PM20D2: variants seen among roughly 807,000 people sequenced by gnomAD.
PM20D2 encodes the protein peptidase M20 domain containing 2.
PM20D2 carries 33 observed loss-of-function variants against 42.9 expected under a neutral mutation model. That is an observed-to-expected ratio of 0.77 (90% CI 0.58 to 1.03). PM20D2 has a LOEUF of 1.03. Among genes scored for constraint, PM20D2 ranks in the 50% least tolerant of loss-of-function variants. PM20D2 has a pLI of 0.00. For synonymous variants in PM20D2, 250 were observed against 228.2 expected (o/e 1.10, Z -0.86); for missense variants, 548 against 557.0 (o/e 0.98, Z 0.16).
At chr6:89,117,944 C>G in the PM20D2 span, 2 of 1,509,226 alleles carry the variant, frequency 1.3e-6, no homozygotes, top group Non-Finnish European at 1.8e-6. Flanking sequence ...CGCTCCGTCT[C>G]CCGCTACCGC....
chr6:89,105,143 C>T, the PM20D2 span: 1 of 1,612,630 alleles, frequency 6.2e-7, no homozygotes, highest in Non-Finnish European at 8.5e-7. Flanking sequence ...TGACCGCCTC[C>T]TATTTCTTCC....
At chr6:89,147,805 A>AT (rs1335973649) in intron 1 of PM20D2, among the ~76,000 whole-genome samples, 2 of 150,728 alleles carry the variant, frequency 1.3e-5, no homozygotes, top group Non-Finnish European at 3.0e-5. Flanking sequence ...AGGCAGGAGA[A>AT]TCGCTTGAAC....
chr6:89,098,553 G>A, the PM20D2 span: 679 of 1,572,754 alleles, frequency 4.3e-4, 5 homozygotes, highest in South Asian at 2.7e-3. Flanking sequence ...TATTAAAGAC[G>A]GCGTGGTGCT....
At chr6:89,136,349 C>T in the PM20D2 span, among the ~76,000 whole-genome samples, 1 of 151,248 alleles carries the variant, frequency 6.6e-6, no homozygotes. Context: ...TATTTTCAAA[C>T]ATATACATCT....
chr6:89,097,182 CAG>C, the PM20D2 span: 23 of 152,012 alleles, frequency 1.5e-4, no homozygotes, highest in Non-Finnish European at 2.9e-4. Context: ...AAATATAAGA[CAG>C]ATTTTTTTCT....
the PM20D2 span, among the ~76,000 whole-genome samples, chr6:89,137,151 C>A: frequency 2.1e-5 from 3 of 145,260 alleles, no homozygotes; most frequent in East Asian, 5.8e-4. Flanking sequence ...TAAACACTTA[C>A]TGAGATTCTA....
the PM20D2 span, among the ~76,000 whole-genome samples, chr6:89,115,427 C>T: frequency 6.6e-6 from 1 of 152,004 alleles, no homozygotes; most frequent in East Asian, 1.9e-4. Flanking sequence ...GGATTACAGG[C>T]GCCAGCCACC....
chr6:89,154,189 G>C (rs1283260471), intron 3 of PM20D2, among the ~76,000 whole-genome samples: 1 of 152,070 alleles, frequency 6.6e-6, no homozygotes, highest in Non-Finnish European at 1.5e-5. Flanking sequence ...ATCTATTTTA[G>C]TTATTACTTC....
chr6:89,154,798 G>A lies in PM20D2; in HGVS notation c.808G>A (p.Glu270Lys). The A allele has an allele frequency of 6.3e-7, 1 of 1,597,530 alleles. No individual in the cohort carries two copies. Among genetic ancestry groups the A allele is most frequent in the Non-Finnish European group, 8.5e-7 (1 of 1,172,218 alleles). Residue 270 changes from glutamate (E) to lysine (K), a missense_variant, in exon 4 of 7, where the codon GAA becomes AAA. By Grantham distance (56) the Glu-to-Lys change is moderately conservative (BLOSUM62 1). This residue lies in a region of PM20D2 where 470 missense variants were observed against 464.4 expected (regional missense o/e 1.01). Transcript: ENST00000275072. ...ACCCAATATCATTCCCTCTTATTCT[G>A]AATTAATCTATTACTTCCGTGCACC... ...VKPNIIPSYSELIYYFRAPSM... is the reference protein window; with the variant it reads ...VKPNIIPSYSKLIYYFRAPSM...
the PM20D2 span, among the ~76,000 whole-genome samples, chr6:89,131,423 C>T: frequency 8.3e-5 from 12 of 145,082 alleles, no homozygotes; most frequent in African/African-American, 1.7e-4. Flanking sequence ...TACGGTGGCT[C>T]ACACCTGTAA....
the PM20D2 span, among the ~76,000 whole-genome samples, chr6:89,132,688 A>G: frequency 7.3e-5 from 11 of 150,610 alleles, no homozygotes; most frequent in East Asian, 1.7e-3. Flanking sequence ...TCTACCAAAA[A>G]TTAGCTGGGT....
At chr6:89,099,721 G>A in the PM20D2 span, among the ~76,000 whole-genome samples, 15 of 152,072 alleles carry the variant, frequency 9.9e-5, no homozygotes, top group East Asian at 2.7e-3. Flanking sequence ...TTTCAGTAGA[G>A]ATGGGATTTC....
rs1011656860 is a variant in PM20D2 at position 89,163,564 on chromosome 6, C to G, written c.*1301C>G. 1.3e-5 allele frequency: 2 copies of G among 152,208 alleles called. No homozygotes were observed. The highest frequency in any genetic ancestry group is 2.4e-5 in the African/African-American group (1 of 41,396). The allele number at this position is 152,208 out of a possible 1,614,324, so 9.4% of individuals were successfully genotyped here. On this transcript the variant is annotated 3_prime_UTR_variant, in exon 7 of 7. Coordinates refer to ENST00000275072, the MANE Select transcript of PM20D2 (RefSeq NM_001010853.3). ...GTGTAATCACAGCTCACTGCAGTCT[C>G]GAACTCCTGGACTCAAGCAGTCCTC...
chr6:89,099,080 T>C, the PM20D2 span: 51 of 1,145,220 alleles, frequency 4.5e-5, no homozygotes, highest in Non-Finnish European at 1.8e-5. Context: ...AAATTTCTCA[T>C]TTTATTATGC....
chr6:89,140,916 A>T, the PM20D2 span, among the ~76,000 whole-genome samples: 2 of 152,200 alleles, frequency 1.3e-5, no homozygotes, highest in Non-Finnish European at 2.9e-5. Flanking sequence ...TGCCCAGCAG[A>T]AGCAAGGGTC....
At chr6:89,136,904 C>T in the PM20D2 span, among the ~76,000 whole-genome samples, 2 of 151,030 alleles carry the variant, frequency 1.3e-5, no homozygotes, top group African/African-American at 2.5e-5. Context: ...GCCATTACTA[C>T]AGTGTTTTCA....
At chr6:89,136,069 T>G in the PM20D2 span, among the ~76,000 whole-genome samples, 1 of 151,172 alleles carries the variant, frequency 6.6e-6, no homozygotes. Flanking sequence ...GACAGCTAGA[T>G]GAGTGTTGCA....
chr6:89,117,728 C>A, the PM20D2 span: 70 of 1,267,744 alleles, frequency 5.5e-5, no homozygotes, highest in Middle Eastern at 5.5e-4. Context: ...CCGCGCAGCT[C>A]CCCCGAGCCT....
chr6:89,105,319 A>G, the PM20D2 span: 1 of 1,571,432 alleles, frequency 6.4e-7, no homozygotes, highest in Admixed American at 1.8e-5. Flanking sequence ...CACAGTAACA[A>G]CCACTCAACT....
Sources: gnomAD v4.1 joint callset for allele counts (sites outside exome capture counted in the v4.1 genomes callset) on GRCh38, gnomAD v4.1.1 for gene constraint, gnomAD v4.1.1 regional missense constraint, MANE v1.5 for transcripts, NCBI Gene and HGNC (gene_info 2026-07-23, HGNC 2026-07-21) for gene names.